Variants in THEMIS observed in about 807,000 individuals in gnomAD.
The protein encoded by THEMIS is protein THEMIS.
Under a neutral mutation model 52.6 loss-of-function variants are expected in THEMIS, and 37 were observed. The ratio of observed to expected loss-of-function variants is 0.70; its 90% CI spans 0.54 to 0.93. The LOEUF is 0.93. Among genes scored for constraint, THEMIS ranks in the 40% least tolerant of loss-of-function variants. The probability of loss-of-function intolerance (pLI) is 0.00; values close to 1 mark genes in which losing one functional copy is unlikely to be tolerated. For synonymous variants in THEMIS, 292 were observed against 272.7 expected (o/e 1.07, Z -0.70); for missense variants, 808 against 763.1 (o/e 1.06, Z -0.69).
intron 1 of THEMIS, among the ~76,000 whole-genome samples, chr6:127,871,433 G>C (rs987112323): frequency 5.9e-5 from 9 of 151,862 alleles, no homozygotes; most frequent in Admixed American, 5.9e-4. Flanking sequence ...TTAGAAAAGA[G>C]CAATAGCCTC....
chr6:127,821,963 A>C (rs776557135), intron 3 of THEMIS, among the ~76,000 whole-genome samples: 13 of 152,004 alleles, frequency 8.6e-5, no homozygotes, highest in Non-Finnish European at 1.8e-4. Context: ...CTCCAAAGAA[A>C]TTTTATAAAT....
In THEMIS at chr6:127,813,564, C is replaced by T; in HGVS notation, c.1077G>A (p.Lys359=). ...FPTAYDLEIA[K]SEKEPLHVVA... is the part of the protein sequence containing the mutation. ...CCACGTGAAGAGGCTCCTTTTCACT[C>T]TTAGCGATCTCTAGGTCATAGGCCG... The change falls in exon 4 of 6, where the codon AAG becomes AAA. Residue 359 remains lysine, a synonymous_variant. Transcript: ENST00000368248. 2.5e-6 allele frequency: 4 copies of T among 1,613,732 alleles called. No homozygotes were observed. Among genetic ancestry groups the T allele is most frequent in the Non-Finnish European group, 3.4e-6 (4 of 1,179,884 alleles).
At chr6:127,707,578 T>C (rs538233832), downstream of THEMIS, among the ~76,000 whole-genome samples, 6 of 152,138 alleles carry the variant, frequency 3.9e-5, no homozygotes, top group African/African-American at 1.2e-4. Flanking sequence ...GTCAGAAGTG[T>C]TATAGTTGTG....
At chr6:127,797,535 T>C (rs1223620510) in intron 4 of THEMIS, among the ~76,000 whole-genome samples, 5 of 152,166 alleles carry the variant, frequency 3.3e-5, no homozygotes, top group African/African-American at 9.7e-5. Context: ...TCACAGCCTC[T>C]TACCTTTAGA....
In THEMIS at chr6:127,832,777, C is replaced by CT. The variant is rs11355741; in HGVS notation, c.251-2844dup. ...CTATTTCCACCTAGGATTGTCAGAT[C>CT]TTTTTTTTTTTTTTTTTTTTTTTTG... On this transcript the variant is annotated intron_variant, in intron 2 of 5. Coordinates refer to ENST00000368248, the MANE Select transcript of THEMIS (RefSeq NM_001010923.3). 3.6e-3 allele frequency among the ~76,000 whole-genome samples: 210 copies of CT among 57,656 alleles called. 7 individuals are homozygous for CT. Among genetic ancestry groups the CT allele is most frequent in the Middle Eastern group, 0.019 (1 of 52 alleles). The allele number at this position is 57,656 out of a possible 152,430, so 37.8% of individuals were successfully genotyped here. A position where few individuals can be genotyped will look rare whatever the true frequency, so the allele number is the denominator to read the frequency against.
In THEMIS at chr6:127,750,319, G is replaced by GT. The variant is rs912700589; in HGVS notation, c.1759-30497dup. Reference sequence around the variant, plus strand: ...CATTTCATTTTATTGAGTCAGGCATGTTTTTTTTTCATCGTCTTGGCCTAT... The same window carrying GT: ...CATTTCATTTTATTGAGTCAGGCATGTTTTTTTTTTCATCGTCTTGGCCTAT... On this transcript the variant is annotated intron_variant, in intron 4 of 5. Transcript: ENST00000368248. Among the ~76,000 whole-genome samples, 725 of 150,162 alleles carry GT rather than the reference G, an allele frequency of 4.8e-3. 8 individuals are homozygous for GT. Among genetic ancestry groups the GT allele is most frequent in the African/African-American group, 0.017 (694 of 40,990 alleles).
chr6:127,858,253 C>T (rs1345879367), intron 1 of THEMIS, among the ~76,000 whole-genome samples: 1 of 152,006 alleles, frequency 6.6e-6, no homozygotes, highest in African/African-American at 2.4e-5. Flanking sequence ...AGGTCTTTTT[C>T]CAAGCAAGTC....
chr6:127,724,711 G>A (rs895737148), intron 4 of THEMIS, among the ~76,000 whole-genome samples: 1 of 151,792 alleles, frequency 6.6e-6, no homozygotes, highest in African/African-American at 2.4e-5. Flanking sequence ...GTTATTCTTG[G>A]CTTGTATTTT....
intron 2 of THEMIS, among the ~76,000 whole-genome samples, chr6:127,845,749 C>T (rs1938784138): frequency 6.6e-6 from 1 of 151,734 alleles, no homozygotes; most frequent in Non-Finnish European, 1.5e-5. Context: ...ACTTTTGTGG[C>T]TACCTGCAGT....
At chr6:127,698,912 A>G in the THEMIS span, among the ~76,000 whole-genome samples, 1 of 152,022 alleles carries the variant, frequency 6.6e-6, no homozygotes, top group African/African-American at 2.4e-5. Flanking sequence ...TTTCACTTTT[A>G]TCTGGAGAAT....
At chr6:127,743,662 C>T (rs2114290781) in intron 4 of THEMIS, among the ~76,000 whole-genome samples, 1 of 151,944 alleles carries the variant, frequency 6.6e-6, no homozygotes, top group East Asian at 1.9e-4. Context: ...CTTATTGTGC[C>T]CCCAGGCTGC....
chr6:127,745,841 G>C (rs563614152), intron 4 of THEMIS, among the ~76,000 whole-genome samples: 17 of 151,650 alleles, frequency 1.1e-4, no homozygotes, highest in South Asian at 2.1e-4. Context: ...AGACCTGCTT[G>C]GTTTCTATTA....
chr6:127,710,114 AT>A lies in THEMIS; in HGVS notation c.1895-99del, dbSNP rs537711346. ...AAATACTGTCGACACTCACATGCAT[AT>A]GGTTTTTGAGAAACGGTTGGAAGCA... On this transcript the variant is annotated intron_variant, in intron 5 of 5. Coordinates refer to ENST00000368248, the MANE Select transcript of THEMIS (RefSeq NM_001010923.3). 3 of 722,902 alleles carry A rather than the reference AT, an allele frequency of 4.1e-6. No individual in the cohort carries two copies. The South Asian group carries it at 6.3e-5, about 15-fold the overall frequency. 44.8% of individuals were successfully genotyped at this position (722,902 alleles called of 1,614,324 possible).
At chr6:127,839,729 C>T (rs1386777358) in intron 2 of THEMIS, among the ~76,000 whole-genome samples, 1 of 152,010 alleles carries the variant, frequency 6.6e-6, no homozygotes, top group Non-Finnish European at 1.5e-5. Context: ...TTTACTTACT[C>T]GCAATTCTAG....
intron 1 of THEMIS, among the ~76,000 whole-genome samples, chr6:127,884,606 T>A (rs1042139442): frequency 7.2e-5 from 11 of 152,194 alleles, no homozygotes; most frequent in African/African-American, 2.4e-4. Flanking sequence ...ACAGCTGCTA[T>A]TAACCCCTTG....
chr6:127,773,714 A>G (rs1230338888), intron 4 of THEMIS, among the ~76,000 whole-genome samples: 1 of 152,200 alleles, frequency 6.6e-6, no homozygotes, highest in African/African-American at 2.4e-5. Context: ...ATATAGCAAC[A>G]ACTGTACAAA....
At chr6:127,735,560 T>G (rs1403350964) in intron 4 of THEMIS, among the ~76,000 whole-genome samples, 1 of 152,154 alleles carries the variant, frequency 6.6e-6, no homozygotes, top group African/African-American at 2.4e-5. Flanking sequence ...CATGGTGTTT[T>G]CAAAGTCAAC....
At chr6:127,870,211 G>A (rs565440949) in intron 1 of THEMIS, among the ~76,000 whole-genome samples, 5 of 152,252 alleles carry the variant, frequency 3.3e-5, no homozygotes, top group South Asian at 2.1e-4. Context: ...CTTCCCAGCC[G>A]CATGATGTAA....
upstream of THEMIS, among the ~76,000 whole-genome samples, chr6:127,904,879 G>A (rs1781229043): frequency 6.6e-6 from 1 of 152,008 alleles, no homozygotes; most frequent in Non-Finnish European, 1.5e-5. Flanking sequence ...AACAGCAAAT[G>A]GGACATACAG....
Sources: allele counts gnomAD v4.1 joint callset (sites outside exome capture counted in the v4.1 genomes callset), GRCh38; gene constraint gnomAD v4.1.1; transcripts MANE v1.5; gene names NCBI Gene and HGNC (gene_info 2026-07-23, HGNC 2026-07-21).